EIF3B: variants seen among roughly 807,000 people sequenced by gnomAD.
EIF3B encodes the protein eukaryotic translation initiation factor 3 subunit B, also known as eukaryotic translation initiation factor 3 subunit 9.
EIF3B carries 10 observed loss-of-function variants against 104.6 expected under a neutral mutation model. The observed-to-expected ratio is 0.10, with a 90% CI of 0.06 to 0.16. The LOEUF (loss-of-function observed/expected upper bound fraction) is 0.16. Among genes scored for constraint, EIF3B ranks in the 10% least tolerant of loss-of-function variants. The pLI, the probability that EIF3B is intolerant of heterozygous loss-of-function variation, is 1.00. For synonymous variants in EIF3B, 542 were observed against 417.2 expected (o/e 1.30, Z -3.65); for missense variants, 1,014 against 1,087.9 (o/e 0.93, Z 0.96).
At chr7:2,376,874 T>C (rs1268323346) in intron 14 of EIF3B, 76 bp from the exon 15 acceptor site, 1 of 1,556,228 alleles carries the variant, frequency 6.4e-7, no homozygotes, top group Non-Finnish European at 8.7e-7. Context: ...CCCAGGACCT[T>C]GTTCAGCAAG....
chr7:2,366,264 T>C, intron 6 of EIF3B, 53 bp from the exon 7 acceptor site: 1 of 1,524,746 alleles, frequency 6.6e-7, no homozygotes, highest in Non-Finnish European at 8.8e-7. Flanking sequence ...ACAGACAGAC[T>C]GTGATCCTCT....
chr7:2,356,348 C>T (rs1056842573), intron 1 of EIF3B, among the ~76,000 whole-genome samples: 1 of 152,100 alleles, frequency 6.6e-6, no homozygotes, highest in African/African-American at 2.4e-5. Flanking sequence ...CTGGGTGGCT[C>T]ACGCCTGTAA....
rs756242706 is a variant in EIF3B at position 2,379,220 on chromosome 7, C to A, written c.2319C>A (p.Asn773Lys). The change falls in exon 17 of 19, where the codon AAC (asparagine) becomes AAA (lysine). Residue 773 changes from asparagine to lysine, a missense_variant. Physicochemically the swap from Asn to Lys is moderately conservative, Grantham distance 94. Around this residue, in one of 4 missense-constraint regions of EIF3B, gnomAD observed 266 missense variants for 324.0 expected, o/e 0.82. Coordinates refer to ENST00000360876, the MANE Select transcript of EIF3B (RefSeq NM_001037283.2). The part of the protein sequence containing the change: ...MAQELYMEQK[N>K]ERLELRGGVD... ...AGGAGCTCTATATGGAGCAGAAAAA[C>A]GAGCGCCTGGAGTTGCGAGGAGGTA... The A allele has an allele frequency of 6.2e-7, 1 of 1,613,028 alleles. No homozygotes were observed. Among genetic ancestry groups the A allele is most frequent in the South Asian group, 1.1e-5 (1 of 90,904 alleles).
At chr7:2,361,121 C>G (rs1386670572) in intron 2 of EIF3B, among the ~76,000 whole-genome samples, 1 of 152,166 alleles carries the variant, frequency 6.6e-6, no homozygotes, top group African/African-American at 2.4e-5. Context: ...TTAAAATTAT[C>G]TAGAATAGGC....
chr7:2,357,091 T>C (rs1779487396), intron 1 of EIF3B, among the ~76,000 whole-genome samples: 2 of 152,190 alleles, frequency 1.3e-5, no homozygotes, highest in African/African-American at 4.8e-5. Context: ...TCAAAACTTT[T>C]GGTTTAATGA....
intron 1 of EIF3B, among the ~76,000 whole-genome samples, chr7:2,355,679 C>G (rs898354343): frequency 1.8e-4 from 27 of 152,098 alleles, no homozygotes; most frequent in African/African-American, 6.0e-4. Context: ...GCATGACAAC[C>G]AGAAATCTGA....
rs1309389028 is a variant in EIF3B, at chr7:2,354,961, G to C, written c.40G>C (p.Glu14Gln). 1.3e-5 allele frequency: 16 copies of C among 1,217,696 alleles called. No homozygotes were observed. The highest frequency in any genetic ancestry group is 1.6e-5 in the Non-Finnish European group (16 of 972,928). 75.4% of individuals were successfully genotyped at this position (1,217,696 alleles called of 1,614,324 possible). A position where few individuals can be genotyped will look rare whatever the true frequency, so the allele number is the denominator to read the frequency against. ...AENVAVPEAA[E>Q]ERAEPGQQQP... ...GAACGTGGCGGTGCCCGAGGCGGCC[G>C]AGGAGCGCGCCGAGCCCGGCCAGCA... Residue 14 changes from glutamate to glutamine, a missense_variant, in exon 1 of 19, where the codon GAG becomes CAG. By Grantham distance (29) the Glu-to-Gln change is conservative. Transcript: ENST00000360876.
chr7:2,366,263 CTG>C (rs1780022700), intron 6 of EIF3B, 52 bp from the exon 7 acceptor site: 19 of 1,523,574 alleles, frequency 1.2e-5, no homozygotes, highest in East Asian at 2.3e-5. Flanking sequence ...CACAGACAGA[CTG>C]TGATCCTCTC....
chr7:2,379,575 C>G (rs763448629), intron 18 of EIF3B, 64 bp downstream of exon 18: 2 of 1,042,292 alleles, frequency 1.9e-6, no homozygotes, highest in African/African-American at 1.6e-5. Context: ...CAGTTATCCC[C>G]GTCACTGAGG....
At chr7:2,359,233 A>G (rs1779612361) in intron 1 of EIF3B, among the ~76,000 whole-genome samples, 1 of 152,154 alleles carries the variant, frequency 6.6e-6, no homozygotes, top group African/African-American at 2.4e-5. Flanking sequence ...GTAATTTCCA[A>G]AGTGGTAAGT....
intron 1 of EIF3B, among the ~76,000 whole-genome samples, chr7:2,357,088 TTTTGGTTTAATGA>T (rs1226885219): frequency 9.2e-5 from 14 of 152,212 alleles, no homozygotes; most frequent in Admixed American, 5.9e-4. Context: ...AAATCAAAAC[TTTTGGTTTAATGA>T]TTATTTTGAG....
chr7:2,379,709 A>C, intron 18 of EIF3B, 198 bp downstream of exon 18: 1 of 559,622 alleles, frequency 1.8e-6, no homozygotes, highest in Non-Finnish European at 3.2e-6. Context: ...CTCTGACCAC[A>C]TTGCAGATGG....
At chr7:2,369,966 A>C (rs1045911085) in intron 10 of EIF3B, among the ~76,000 whole-genome samples, 2 of 151,720 alleles carry the variant, frequency 1.3e-5, no homozygotes, top group Middle Eastern at 3.4e-3. Context: ...TATTAGAGAC[A>C]GGGTTTCACC....
chr7:2,371,873 G>A, intron 11 of EIF3B, 24 bp downstream of exon 11: 1 of 1,586,406 alleles, frequency 6.3e-7, no homozygotes. Context: ...TAGTCACTTT[G>A]AGGCGAATGG....
chr7:2,357,975 G>A (rs1294426583), intron 1 of EIF3B, among the ~76,000 whole-genome samples: 1 of 151,768 alleles, frequency 6.6e-6, no homozygotes, highest in Non-Finnish European at 1.5e-5. Flanking sequence ...TTCCATAGCA[G>A]GGTGTCCGGC....
At chr7:2,370,890 C>T (rs6461342) in intron 10 of EIF3B, among the ~76,000 whole-genome samples, 2,828 of 152,160 alleles carry the variant, frequency 0.019, 91 homozygotes, top group African/African-American at 0.065. Context: ...GTAGAAACCC[C>T]GTCTCTACTA....
intron 1 of EIF3B, among the ~76,000 whole-genome samples, chr7:2,355,799 A>T (rs553804496): frequency 2.6e-5 from 4 of 152,240 alleles, no homozygotes; most frequent in African/African-American, 9.6e-5. Context: ...TTGCGGGTCT[A>T]CGTGTCCCCA....
chr7:2,366,286 G>A, intron 6 of EIF3B, 31 bp from the exon 7 acceptor site: 2 of 1,559,992 alleles, frequency 1.3e-6, no homozygotes, highest in African/African-American at 1.4e-5. Flanking sequence ...GTGAGAGGAG[G>A]ATAGTGTACA....
Position 2,355,304 on chromosome 7 carries a change from C to T in EIF3B, c.383C>T (p.Ala128Val). The stretch of plus-strand genomic sequence containing the variant: ...CGGGCCCAGGCGGTGTCCGAGGACG[C>T]GGGAGGAAACGAGGGCAGAGCGGCC... ...DSRAQAVSED[A>V]GGNEGRAAEA... is the part of the protein sequence containing the mutation. The change falls in exon 1 of 19, where the codon GCG becomes GTG. Residue 128 changes from alanine to valine, a missense_variant. Physicochemically the swap from Ala to Val is moderately conservative, Grantham distance 64 (BLOSUM62 0). Around this residue, in one of 4 missense-constraint regions of EIF3B, gnomAD observed 488 missense variants for 404.3 expected, o/e 1.21. Transcript: ENST00000360876. 2 of 1,539,212 alleles carry T rather than the reference C, an allele frequency of 1.3e-6. No individual in the cohort carries two copies. The highest frequency in any genetic ancestry group is 1.7e-6 in the Non-Finnish European group (2 of 1,150,064).
Sources: allele counts gnomAD v4.1 joint callset (sites outside exome capture counted in the v4.1 genomes callset), GRCh38; gene constraint gnomAD v4.1.1; regional missense constraint gnomAD v4.1.1; transcripts MANE v1.5; gene names NCBI Gene and HGNC (gene_info 2026-07-23, HGNC 2026-07-21).